MRPL44: variants seen among roughly 807,000 people sequenced by gnomAD.
The protein encoded by MRPL44 is large ribosomal subunit protein mL44.
Under a neutral mutation model 25.9 loss-of-function variants are expected in MRPL44, and 21 were observed. The observed-to-expected ratio is 0.81, with a 90% CI of 0.58 to 1.17. MRPL44 has a LOEUF of 1.17. Ranked by LOEUF, MRPL44 falls within the 50% of genes most tolerant of loss-of-function variation. The pLI is 0.00. For missense variants in MRPL44, 410 were observed against 398.9 expected, an observed-to-expected ratio of 1.03 and a Z score of -0.24; for synonymous variants, 169 against 151.0, an observed-to-expected ratio of 1.12 and a Z score of -0.87.
chr2:223,959,729 A>G lies in MRPL44; in HGVS notation c.375A>G (p.Leu125=), dbSNP rs1489225351. ...TGAATCTTAAAAGTAATCAAGAACT[A>G]TCCGAACAAGGGACATCTTTTTCAC... The part of the protein sequence containing the change: ...VLLNLKSNQE[L]SEQGTSFSQT... The change falls in exon 2 of 4, where the codon CTA becomes CTG. Residue 125 remains leucine, a synonymous_variant. Coordinates refer to ENST00000258383, the MANE Select transcript of MRPL44 (RefSeq NM_022915.5). 4.3e-6 allele frequency: 7 copies of G among 1,614,136 alleles called. No homozygotes were observed. Among genetic ancestry groups the G allele is most frequent in the Admixed American group, 1.7e-5 (1 of 60,012 alleles).
In MRPL44 at chr2:223,967,611, T is replaced by C. The variant is rs1689765442; in HGVS notation, c.*577T>C. 2 of 152,226 alleles carry C rather than the reference T, an allele frequency of 1.3e-5. No individual in the cohort carries two copies. Among genetic ancestry groups the C allele is most frequent in the African/African-American group, 4.8e-5 (2 of 41,460 alleles). The allele number at this position is 152,226 out of a possible 1,614,324, so 9.4% of individuals were successfully genotyped here. On this transcript the variant is annotated 3_prime_UTR_variant, in exon 4 of 4. Coordinates refer to ENST00000258383, the MANE Select transcript of MRPL44 (RefSeq NM_022915.5). ...TTTAATTGTATAGAATTTGTATAAT[T>C]AGGTGTATTTTATTTGCGTCTAGCT...
chr2:223,959,894 G>A lies in MRPL44; in HGVS notation c.540G>A (p.Leu180=). 1 of 1,614,168 alleles carries A rather than the reference G, an allele frequency of 6.2e-7. No individual in the cohort carries two copies. The highest frequency in any genetic ancestry group is 8.5e-7 in the Non-Finnish European group (1 of 1,180,024). Reference sequence around the variant, plus strand: ...ACTTGGCTGTGGAGCAGTTAACACTGAGTGAAGAATTCCCAGTGCCCCCAG... The same window carrying A: ...ACTTGGCTGTGGAGCAGTTAACACTAAGTGAAGAATTCCCAGTGCCCCCAG... ...ARNLAVEQLT[L]SEEFPVPPAV... Residue 180 remains leucine, a synonymous_variant, in exon 2 of 4, where the codon CTG becomes CTA. Transcript: ENST00000258383.
At chr2:223,956,470 G>A (rs1320097281), upstream of MRPL44, among the ~76,000 whole-genome samples, 2 of 152,228 alleles carry the variant, frequency 1.3e-5, no homozygotes, top group Non-Finnish European at 2.9e-5. Context: ...CTGGGGAAGG[G>A]AGGAAGGTAC....
At chr2:223,951,478 G>GTTTTTTTTTGTTTTGTTTTT in the MRPL44 span, among the ~76,000 whole-genome samples, 134 of 112,528 alleles carry the variant, frequency 1.2e-3, 7 homozygotes, top group Middle Eastern at 9.4e-3. Flanking sequence ...TTACCTTGGA[G>GTTTTTTTTTGTTTTGTTTTT]TTTTTTTTTT....
chr2:223,959,384 C>A, intron 1 of MRPL44, 150 bp from the exon 2 acceptor site: 1 of 634,130 alleles, frequency 1.6e-6, no homozygotes, highest in Non-Finnish European at 2.7e-6. Flanking sequence ...TTAGTCTTAA[C>A]ATTTAGAATA....
chr2:223,967,314 C>G lies in MRPL44; in HGVS notation c.*280C>G. ...GTGGTGCGATCTCGGCTCACTGCAACCTCCACCTCACAGGTTCAAGCGATT... is the reference window on the plus strand; with the variant it reads ...GTGGTGCGATCTCGGCTCACTGCAAGCTCCACCTCACAGGTTCAAGCGATT... On this transcript the variant is annotated 3_prime_UTR_variant, in exon 4 of 4. Transcript: ENST00000258383. 3 of 250,036 alleles carry G rather than the reference C, an allele frequency of 1.2e-5. No individual in the cohort carries two copies. The highest frequency in any genetic ancestry group is 2.3e-5 in the Non-Finnish European group (3 of 130,776). 15.5% of individuals were successfully genotyped at this position (250,036 alleles called of 1,614,324 possible).
At chr2:223,954,511 A>G (rs988404016), upstream of MRPL44, among the ~76,000 whole-genome samples, 11 of 152,230 alleles carry the variant, frequency 7.2e-5, 1 homozygote, top group Admixed American at 7.2e-4. Flanking sequence ...AGCGCTGGCC[A>G]GTAGGCAGTC....
intron 2 of MRPL44, 152 bp from the exon 3 acceptor site, chr2:223,963,604 A>C (rs896375101): frequency 4.5e-5 from 21 of 467,756 alleles, no homozygotes; most frequent in African/African-American, 4.1e-4. Flanking sequence ...AGAATAGTAC[A>C]TTTTTGTCTT....
chr2:223,960,754 C>A (rs1689646506), intron 2 of MRPL44, among the ~76,000 whole-genome samples: 1 of 152,222 alleles, frequency 6.6e-6, no homozygotes, highest in Non-Finnish European at 1.5e-5. Flanking sequence ...TAAGACCTAT[C>A]TTTCTCCCCC....
chr2:223,953,919 T>C (rs1005130686), upstream of MRPL44, among the ~76,000 whole-genome samples: 4 of 152,246 alleles, frequency 2.6e-5, no homozygotes, highest in Non-Finnish European at 5.9e-5. Flanking sequence ...TTTTACTTAT[T>C]TTTATAACCC....
At chr2:223,959,480 A>G in intron 1 of MRPL44, 54 bp from the exon 2 acceptor site, 2 of 1,337,038 alleles carry the variant, frequency 1.5e-6, no homozygotes, top group South Asian at 1.4e-5. Flanking sequence ...CAATTTTTAT[A>G]TCACAGTAAC....
chr2:223,957,303 C>T, upstream of MRPL44: 1 of 753,066 alleles, frequency 1.3e-6, no homozygotes, highest in South Asian at 1.7e-5. Flanking sequence ...CGCAATCACC[C>T]CGCCCCGGGG....
chr2:223,952,931 A>G (rs1357635870), upstream of MRPL44, among the ~76,000 whole-genome samples: 1 of 152,080 alleles, frequency 6.6e-6, no homozygotes, highest in Non-Finnish European at 1.5e-5. Context: ...CTTAAATTTA[A>G]TTTGTCTAAG....
upstream of MRPL44, among the ~76,000 whole-genome samples, chr2:223,956,533 G>A (rs1036096538): frequency 3.9e-5 from 6 of 152,204 alleles, no homozygotes; most frequent in Non-Finnish European, 8.8e-5. Flanking sequence ...CCAGGTACCT[G>A]CAGTGGAAAT....
rs200676510 is a variant in MRPL44, at chr2:223,959,523, T to G, written c.180-11T>G. On this transcript the variant is annotated splice_polypyrimidine_tract_variant and intron_variant, in intron 1 of 3. Coordinates refer to ENST00000258383, the MANE Select transcript of MRPL44 (RefSeq NM_022915.5). Reference sequence around the variant, plus strand: ...TCTCTTTACCATCTCTTACTGTCTTTACATTTTCAGTTCAGAGAAGCCGAA... The same window carrying G: ...TCTCTTTACCATCTCTTACTGTCTTGACATTTTCAGTTCAGAGAAGCCGAA... The G allele has an allele frequency of 1.3e-6, 2 of 1,591,804 alleles. No homozygotes were observed. Among genetic ancestry groups the G allele is most frequent in the South Asian group, 2.3e-5 (2 of 87,730 alleles).
chr2:223,951,527 G>A, the MRPL44 span, among the ~76,000 whole-genome samples: 1 of 134,658 alleles, frequency 7.4e-6, no homozygotes, highest in South Asian at 2.4e-4. Context: ...TGGCCAGGCT[G>A]GAGTGCAGTG....
At position 223,959,737 on chromosome 2, in the gene MRPL44, A is replaced by G. The variant is rs745924465; in HGVS notation, c.383A>G (p.Gln128Arg). 1 of 1,614,254 alleles carries G rather than the reference A, an allele frequency of 6.2e-7. No individual in the cohort carries two copies. Among genetic ancestry groups the G allele is most frequent in the South Asian group, 1.1e-5 (1 of 91,090 alleles). ...NLKSNQELSE[Q>R]GTSFSQTCLT... The stretch of plus-strand genomic sequence containing the variant: ...AAAAGTAATCAAGAACTATCCGAAC[A>G]AGGGACATCTTTTTCACAGACTTGC... Residue 128 changes from glutamine (Q) to arginine (R), a missense_variant, in exon 2 of 4, where the codon CAA becomes CGA. Gln to Arg is a conservative substitution (Grantham distance 43). Transcript: ENST00000258383.
intron 3 of MRPL44, chr2:223,965,722 A>G (rs1464999121): frequency 3.3e-5 from 5 of 152,242 alleles, no homozygotes; most frequent in Non-Finnish European, 5.9e-5. Flanking sequence ...AGATTTATCG[A>G]TAGAATACTC....
Position 223,957,538 on chromosome 2 carries a change from C to G in MRPL44, c.66C>G (p.Pro22=). ...GHRCLLAPVA[P]KLVPPVRGVK... ...GCTGCCTCCTGGCTCCAGTCGCCCC[C>G]AAGCTGGTCCCTCCGGTTCGGGGAG... Residue 22 remains proline (P), a synonymous_variant, in exon 1 of 4, where the codon CCC becomes CCG. Coordinates refer to ENST00000258383, the MANE Select transcript of MRPL44 (RefSeq NM_022915.5). The G allele has an allele frequency of 1.2e-6, 2 of 1,614,102 alleles. No homozygotes were observed. Among genetic ancestry groups the G allele is most frequent in the Non-Finnish European group, 1.7e-6 (2 of 1,180,022 alleles).
Sources: gnomAD v4.1 joint callset for allele counts (sites outside exome capture counted in the v4.1 genomes callset) on GRCh38, gnomAD v4.1.1 for gene constraint, MANE v1.5 for transcripts, NCBI Gene and HGNC (gene_info 2026-07-23, HGNC 2026-07-21) for gene names.